The following MTUS1 variants were observed in gnomAD, a reference collection of about 807,000 sequenced individuals.
The protein encoded by MTUS1 is microtubule associated scaffold protein 1.
In MTUS1, 109 loss-of-function variants were observed where a neutral mutation model predicts 120.8. The observed-to-expected ratio is 0.90, with a 90% CI of 0.77 to 1.06. The LOEUF is 1.06. MTUS1 is among the 50% of genes least tolerant of loss of function. The pLI is 0.00. For synonymous variants in MTUS1, 737 were observed against 550.5 expected (o/e 1.34, Z -4.74); for missense variants, 2,210 against 1,486.3 (o/e 1.49, Z -8.01).
At position 17,755,165 on chromosome 8, in the gene MTUS1, T is replaced by C; in HGVS notation, c.643A>G (p.Lys215Glu). The C allele has an allele frequency of 6.2e-7, 1 of 1,614,200 alleles. No homozygotes were observed. Among genetic ancestry groups the C allele is most frequent in the Non-Finnish European group, 8.5e-7 (1 of 1,180,040 alleles). The change falls in exon 2 of 15, where the codon AAG (lysine) becomes GAG (glutamate). Residue 215 changes from lysine (K) to glutamate (E), a missense_variant. Transcript: ENST00000693296. Reference sequence around the variant, plus strand: ...TAAGTAGTTTCTCTTGCATGCGTCTTATCAGAATGGGAAGATGTCCAAGTG... The same window carrying C: ...TAAGTAGTTTCTCTTGCATGCGTCTCATCAGAATGGGAAGATGTCCAAGTG... Reference protein sequence around the residue: ...YSTWTSSHSDKTHARETTYDR... With the variant: ...YSTWTSSHSDETHARETTYDR...
At chr8:17,659,080 C>T (rs974236347) in intron 8 of MTUS1, among the ~76,000 whole-genome samples, 11 of 152,116 alleles carry the variant, frequency 7.2e-5, no homozygotes, top group Admixed American at 7.2e-4. Context: ...ATAAGGAAAC[C>T]GCCACAGAGA....
intron 2 of MTUS1, among the ~76,000 whole-genome samples, chr8:17,749,164 A>C (rs112298975): frequency 6.6e-6 from 1 of 152,126 alleles, no homozygotes; most frequent in East Asian, 1.9e-4. Flanking sequence ...ACCAGCATTA[A>C]CATCAACAAA....
intron 7 of MTUS1, among the ~76,000 whole-genome samples, chr8:17,683,283 G>C (rs540084521): frequency 1.3e-5 from 2 of 152,056 alleles, no homozygotes; most frequent in Admixed American, 1.3e-4. Flanking sequence ...AAAAAAAAGA[G>C]AATTCATTGA....
chr8:17,795,518 G>A (rs974655806), intron 1 of MTUS1, among the ~76,000 whole-genome samples: 1 of 151,390 alleles, frequency 6.6e-6, no homozygotes, highest in African/African-American at 2.4e-5. Context: ...TCCATTCCTA[G>A]TCTGTTCTTC....
upstream of MTUS1, among the ~76,000 whole-genome samples, chr8:17,801,139 C>T (rs147750271): frequency 0.018 from 2,778 of 151,630 alleles, 68 homozygotes; most frequent in African/African-American, 0.063. Context: ...CTGGCGGGGT[C>T]GCCGAGAACC....
At chr8:17,667,638 G>T (rs1204037879) in intron 8 of MTUS1, among the ~76,000 whole-genome samples, 1 of 152,170 alleles carries the variant, frequency 6.6e-6, no homozygotes, top group Non-Finnish European at 1.5e-5. Flanking sequence ...TATTCCAAAA[G>T]TAGCTATCAA....
At chr8:17,738,379 G>A (rs1395047675) in intron 3 of MTUS1, among the ~76,000 whole-genome samples, 2 of 152,130 alleles carry the variant, frequency 1.3e-5, no homozygotes, top group African/African-American at 4.8e-5. Flanking sequence ...GGCTCAGGCT[G>A]GCCTCTGAAA....
intron 1 of MTUS1, among the ~76,000 whole-genome samples, chr8:17,784,438 G>C (rs2051135368): frequency 6.6e-6 from 1 of 151,806 alleles, no homozygotes; most frequent in South Asian, 2.1e-4. Flanking sequence ...TGGGATTACA[G>C]GTGCGCACCA....
intron 3 of MTUS1, among the ~76,000 whole-genome samples, chr8:17,725,828 G>T (rs1040428971): frequency 1.3e-5 from 2 of 152,046 alleles, no homozygotes; most frequent in African/African-American, 2.4e-5. Flanking sequence ...TTTATGTGTG[G>T]CCCAAGACAA....
rs895528562 is a variant in MTUS1 at position 17,680,073 on chromosome 8, T to C, written c.2838+4255A>G. Among the ~76,000 whole-genome samples, 12 of 151,998 alleles carry C rather than the reference T, an allele frequency of 7.9e-5. No individual in the cohort carries two copies. The South Asian group carries it at 8.3e-4, about 11-fold the overall frequency. ...AGCAAAAACAAGCATTAAACCGGTA[T>C]CTCTAATATAACACAGACAATGAAA... On this transcript the variant is annotated intron_variant, in intron 7 of 14. Coordinates refer to ENST00000693296, the MANE Select transcript of MTUS1 (RefSeq NM_001363059.2).
At chr8:17,660,747 C>CTGTGGT (rs1809506063) in intron 8 of MTUS1, among the ~76,000 whole-genome samples, 1 of 152,062 alleles carries the variant, frequency 6.6e-6, no homozygotes, top group African/African-American at 2.4e-5. Context: ...GAGTACATCA[C>CTGTGGT]TGTGGTTATG....
intron 1 of MTUS1, among the ~76,000 whole-genome samples, chr8:17,798,269 C>T (rs1486249425): frequency 6.6e-6 from 1 of 152,096 alleles, no homozygotes; most frequent in South Asian, 2.1e-4. Context: ...AGTTTTGCAA[C>T]AGTCTCTAAC....
chr8:17,646,110 T>C lies in MTUS1; in HGVS notation c.3629A>G (p.Gln1210Arg). 1 of 1,612,964 alleles carries C rather than the reference T, an allele frequency of 6.2e-7. No individual in the cohort carries two copies. Among genetic ancestry groups the C allele is most frequent in the Non-Finnish European group, 8.5e-7 (1 of 1,179,740 alleles). Residue 1210 changes from glutamine (Q) to arginine (R), a missense_variant, in exon 15 of 15, where the codon CAA becomes CGA. Transcript: ENST00000693296. ...TTTCGACTCCTTCTCCAGCGACTCTTGCAGAACAGCCTGCTCCGTGGAAAG... is the reference window on the plus strand; with the variant it reads ...TTTCGACTCCTTCTCCAGCGACTCTCGCAGAACAGCCTGCTCCGTGGAAAG... ...RQLSTEQAVL[Q>R]ESLEKESKVN... is the part of the protein sequence containing the mutation.
intron 7 of MTUS1, among the ~76,000 whole-genome samples, chr8:17,678,846 T>C (rs571350867): frequency 4.6e-5 from 7 of 151,816 alleles, no homozygotes; most frequent in Non-Finnish European, 7.4e-5. Flanking sequence ...AGCCACCCAA[T>C]AGACCCTTTT....
At chr8:17,651,981 T>G (rs1018630933) in intron 12 of MTUS1, among the ~76,000 whole-genome samples, 1 of 152,224 alleles carries the variant, frequency 6.6e-6, no homozygotes. Flanking sequence ...TATAAGCTCA[T>G]CTAATGTTAT....
intron 4 of MTUS1, among the ~76,000 whole-genome samples, chr8:17,716,112 C>T (rs892291331): frequency 1.3e-5 from 2 of 152,174 alleles, no homozygotes; most frequent in East Asian, 3.9e-4. Flanking sequence ...ACCACACATC[C>T]TGGTTAGCCT....
At chr8:17,674,391 G>A in intron 8 of MTUS1, 1 of 874,732 alleles carries the variant, frequency 1.1e-6, no homozygotes. Flanking sequence ...CTGCACTCCA[G>A]TCTGGTGACA....
chr8:17,755,334 G>T lies in MTUS1; in HGVS notation c.474C>A (p.Asn158Lys), dbSNP rs757862341. 1 of 1,614,140 alleles carries T rather than the reference G, an allele frequency of 6.2e-7. No individual in the cohort carries two copies. The highest frequency in any genetic ancestry group is 1.1e-5 in the South Asian group (1 of 91,076). Residue 158 changes from asparagine (N) to lysine (K), a missense_variant, in exon 2 of 15, where the codon AAC becomes AAA. Transcript: ENST00000693296. ...TATCCACTGTCATGTCAAATGTTTG[G>T]TTTAGCTCCAAGGCATCACAGTAGC... is the stretch of plus-strand genomic sequence containing the variant. ...CAGYCDALELNQTFDMTVDKV... is the reference protein window; with the variant it reads ...CAGYCDALELKQTFDMTVDKV...
intron 2 of MTUS1, among the ~76,000 whole-genome samples, chr8:17,744,689 C>CTTTTTTT (rs58283163): frequency 4.2e-3 from 417 of 98,948 alleles, no homozygotes; most frequent in Non-Finnish European, 5.6e-3. Flanking sequence ...ACCATGTTTT[C>CTTTTTTT]TTTTTTTTTT....
Sources: allele counts gnomAD v4.1 joint callset (sites outside exome capture counted in the v4.1 genomes callset), GRCh38; gene constraint gnomAD v4.1.1; transcripts MANE v1.5; gene names NCBI Gene and HGNC (gene_info 2026-07-23, HGNC 2026-07-21).